Variants in SEC23A observed in about 807,000 individuals in gnomAD.
SEC23A encodes the protein protein transport protein Sec23A.
A neutral mutation model predicts 103.7 loss-of-function variants in SEC23A; 56 were observed. The observed-to-expected ratio is 0.54, with a 90% CI of 0.44 to 0.67. The LOEUF (loss-of-function observed/expected upper bound fraction) is 0.67. SEC23A is among the 30% of genes least tolerant of loss of function. The pLI is 0.00. For synonymous variants in SEC23A, 281 were observed against 293.0 expected (o/e 0.96, Z 0.42); for missense variants, 784 against 936.4 (o/e 0.84, Z 2.12).
chr14:39,065,985 G>C (rs7158043), intron 10 of SEC23A, among the ~76,000 whole-genome samples: 3 of 91,292 alleles, frequency 3.3e-5, no homozygotes, highest in Admixed American at 2.9e-4. Flanking sequence ...CAATAAGAGC[G>C]AAACTCCATC....
intron 19 of SEC23A, among the ~76,000 whole-genome samples, chr14:39,033,740 T>C (rs1400416679): frequency 7.2e-5 from 7 of 96,906 alleles, no homozygotes; most frequent in African/African-American, 2.5e-4. Context: ...AAATAAACTA[T>C]GCTTCTCAAG....
At chr14:39,063,627 A>G (rs540095386) in intron 11 of SEC23A, among the ~76,000 whole-genome samples, 1 of 152,294 alleles carries the variant, frequency 6.6e-6, no homozygotes, top group East Asian at 1.9e-4. Context: ...TTACATAATA[A>G]AAGTAAAATT....
chr14:39,063,569 T>C, intron 11 of SEC23A, among the ~76,000 whole-genome samples, 156 bp from the exon 12 acceptor site: 1 of 152,072 alleles, frequency 6.6e-6, no homozygotes, highest in Admixed American at 6.5e-5. Flanking sequence ...AGACCATAAG[T>C]ATATTATAAA....
intron 3 of SEC23A, 101 bp downstream of exon 3, chr14:39,093,085 TC>T: frequency 1.1e-6 from 1 of 872,554 alleles, no homozygotes; most frequent in Non-Finnish European, 1.8e-6. Context: ...GCCAGGATGG[TC>T]TCAATCTCCT....
At chr14:39,086,551 G>A (rs1887452110) in intron 6 of SEC23A, among the ~76,000 whole-genome samples, 1 of 152,114 alleles carries the variant, frequency 6.6e-6, no homozygotes, top group African/African-American at 2.4e-5. Flanking sequence ...GAACCTGGGA[G>A]GCGGAAGTTG....
rs771054649 is a variant in SEC23A, at chr14:39,048,644, C to T, written c.1737+8G>A. On this transcript the variant is annotated splice_region_variant and intron_variant, in intron 15 of 19. Transcript: ENST00000307712. The stretch of plus-strand genomic sequence containing the variant: ...AAAGAAAAGAATATGGACCTTTTAC[C>T]TACTTACCTGTGGATAAAGGGAGAA... The T allele has an allele frequency of 6.4e-7, 1 of 1,559,230 alleles. No individual in the cohort carries two copies. Among genetic ancestry groups the T allele is most frequent in the South Asian group, 1.1e-5 (1 of 89,948 alleles).
chr14:39,074,295 T>TAACAC (rs1341138238), intron 9 of SEC23A, 120 bp downstream of exon 9: 3 of 733,818 alleles, frequency 4.1e-6, no homozygotes, highest in African/African-American at 3.5e-5. Context: ...TACTAACAGA[T>TAACAC]GTGTTGCCTT....
intron 2 of SEC23A, among the ~76,000 whole-genome samples, chr14:39,094,462 C>T: frequency 1.9e-5 from 2 of 105,098 alleles, no homozygotes; most frequent in African/African-American, 3.6e-5. Flanking sequence ...TTTTTTTTTC[C>T]CCTCCTGTAG....
At chr14:39,073,633 G>A (rs1279564566) in intron 9 of SEC23A, among the ~76,000 whole-genome samples, 6 of 109,836 alleles carry the variant, frequency 5.5e-5, no homozygotes, top group Middle Eastern at 8.3e-3. Context: ...TTTTTGAGAC[G>A]GAGTCTAACT....
At chr14:39,072,842 C>T (rs988034874) in intron 9 of SEC23A, among the ~76,000 whole-genome samples, 1 of 152,032 alleles carries the variant, frequency 6.6e-6, no homozygotes, top group Non-Finnish European at 1.5e-5. Context: ...CAGACAACGA[C>T]AAGTGCTGAC....
At chr14:39,042,422 T>C (rs1001816301) in intron 17 of SEC23A, among the ~76,000 whole-genome samples, 5 of 152,200 alleles carry the variant, frequency 3.3e-5, no homozygotes, top group Non-Finnish European at 7.3e-5. Context: ...TAATAACTTA[T>C]AATGATTGCA....
intron 14 of SEC23A, among the ~76,000 whole-genome samples, chr14:39,054,764 T>C (rs1220952090): frequency 6.6e-6 from 1 of 152,082 alleles, no homozygotes; most frequent in African/African-American, 2.4e-5. Flanking sequence ...GAGATGCACA[T>C]ATAATAGTTC....
chr14:39,047,354 G>GTTT, intron 15 of SEC23A: 4 of 1,277,948 alleles, frequency 3.1e-6, no homozygotes, highest in Non-Finnish European at 4.1e-6. Context: ...ACAAAACAAA[G>GTTT]AATTTTACAT....
At chr14:39,083,337 C>A (rs1887295560) in intron 7 of SEC23A, among the ~76,000 whole-genome samples, 1 of 152,060 alleles carries the variant, frequency 6.6e-6, no homozygotes, top group Non-Finnish European at 1.5e-5. Flanking sequence ...AATGCACCTA[C>A]CTGTGTCTCT....
intron 17 of SEC23A, chr14:39,041,409 CAAAAAAAA>C (rs56911438): frequency 2.0e-4 from 3 of 14,638 alleles, no homozygotes; most frequent in Non-Finnish European, 3.7e-4. Context: ...AAAGAAAAAG[CAAAAAAAA>C]AAAAAAAAAA....
In SEC23A at chr14:39,091,599, TA is replaced by T; in HGVS notation, c.480del (p.Thr161GlnfsTer76). ...AAAGTAATAAGTCCAACCAAAGCTG[TA>T]GGTGGTAAAAGACTTAATGACATCT... ...SMQMSLSLLP[P>X]TALVGLITFG... On this transcript the variant is annotated frameshift_variant, in exon 5 of 20. Transcript: ENST00000307712. LOFTEE classifies it high-confidence loss of function. 1 of 1,613,922 alleles carries T rather than the reference TA, an allele frequency of 6.2e-7. No homozygotes were observed. The highest frequency in any genetic ancestry group is 1.1e-5 in the South Asian group (1 of 91,080).
chr14:39,051,942 G>T (rs995576598), intron 14 of SEC23A, among the ~76,000 whole-genome samples: 1 of 149,000 alleles, frequency 6.7e-6, no homozygotes, highest in African/African-American at 2.5e-5. Flanking sequence ...ACTCCAGCCT[G>T]GGCGACAAGG....
intron 2 of SEC23A, 73 bp downstream of exon 2, chr14:39,095,825 T>A: frequency 1.7e-6 from 2 of 1,190,088 alleles, no homozygotes; most frequent in South Asian, 1.3e-5. Context: ...GGGATTTTTA[T>A]AAAAATATGC....
chr14:39,050,637 T>C (rs367634170), intron 14 of SEC23A, among the ~76,000 whole-genome samples: 2 of 152,252 alleles, frequency 1.3e-5, no homozygotes, highest in East Asian at 1.9e-4. Context: ...CAATTTTAAG[T>C]TGTGAAACAG....
Sources: allele counts gnomAD v4.1 joint callset (sites outside exome capture counted in the v4.1 genomes callset), GRCh38; gene constraint gnomAD v4.1.1; transcripts MANE v1.5; gene names NCBI Gene and HGNC (gene_info 2026-07-23, HGNC 2026-07-21).